RELT: variants seen among roughly 807,000 people sequenced by gnomAD.
The protein encoded by RELT is tumor necrosis factor receptor superfamily member 19L.
Under a neutral mutation model 51.1 loss-of-function variants are expected in RELT, and 37 were observed. The ratio of observed to expected loss-of-function variants is 0.72; its 90% confidence interval spans 0.56 to 0.95. The LOEUF is 0.95. Ranked by LOEUF, RELT falls within the 40% of genes least tolerant of loss-of-function variation. The probability of loss-of-function intolerance (pLI) is 0.00; values close to 1 mark genes in which losing one functional copy is unlikely to be tolerated. For synonymous variants in RELT, 241 were observed against 235.7 expected, an observed-to-expected ratio of 1.02 and a Z score of -0.21; for missense variants, 535 against 572.6, an observed-to-expected ratio of 0.93 and a Z score of 0.67.
chr11:73,386,198 C>T (rs1866120467), intron 1 of RELT, among the ~76,000 whole-genome samples: 1 of 152,150 alleles, frequency 6.6e-6, no homozygotes, highest in Admixed American at 6.5e-5. Flanking sequence ...GGAGTGGCCT[C>T]TAAGCCAAGT....
At position 73,388,269 on chromosome 11, in the gene RELT, G is replaced by A. The variant is rs895378593; in HGVS notation, c.-25-843G>A. Among the ~76,000 whole-genome samples, 6 of 152,254 alleles carry A rather than the reference G, an allele frequency of 3.9e-5. No individual in the cohort carries two copies. The highest frequency in any genetic ancestry group is 8.8e-5 in the Non-Finnish European group (6 of 68,042). ...GCAGTTGGGTCTCCCCTGGGATGGAGCTCCCTGCAGACAGGGACCTTGTCT... is the reference window on the plus strand; with the variant it reads ...GCAGTTGGGTCTCCCCTGGGATGGAACTCCCTGCAGACAGGGACCTTGTCT... On this transcript the variant is annotated intron_variant, in intron 1 of 10. Transcript: ENST00000064780. The surrounding 1 kb of genome is among the most constrained non-coding windows in gnomAD (Gnocchi z 4.1).
rs771607778 is a variant in RELT, at chr11:73,395,155, A to G, written c.1115A>G (p.Glu372Gly). Residue 372 changes from glutamate (E) to glycine (G), a missense_variant, in exon 10 of 11, where the codon GAG becomes GGG. Transcript: ENST00000064780. ...GTGTCTGAGGTGAAGACCATCACGG[A>G]GGCTGGGCCCTCGTGGGGTGATCTC... ...SMVSEVKTIT[E>G]AGPSWGDLPD... 2 of 1,613,552 alleles carry G rather than the reference A, an allele frequency of 1.2e-6. No individual in the cohort carries two copies. Among genetic ancestry groups the G allele is most frequent in the Non-Finnish European group, 1.7e-6 (2 of 1,179,984 alleles).
Position 73,394,781 on chromosome 11 carries a change from C to T in RELT, c.1046+47C>T. The T allele has an allele frequency of 6.3e-7, 1 of 1,583,908 alleles. No homozygotes were observed. The highest frequency in any genetic ancestry group is 1.1e-5 in the South Asian group (1 of 89,828). ...CAGGGGCAGGTAAAGACGTGACAGCCTGGGGGCCGGGAGGGGGAGGCAGGG... is the reference window on the plus strand; with the variant it reads ...CAGGGGCAGGTAAAGACGTGACAGCTTGGGGGCCGGGAGGGGGAGGCAGGG... On this transcript the variant is annotated intron_variant, in intron 9 of 10. Coordinates refer to ENST00000064780, the MANE Select transcript of RELT (RefSeq NM_152222.2). This position sits in a 1 kb window ranked among gnomAD's most constrained non-coding sequence, Gnocchi z 4.9.
At chr11:73,392,166 G>T (rs996273502) in intron 5 of RELT, 45 bp from the exon 6 acceptor site, 11 of 1,595,326 alleles carry the variant, frequency 6.9e-6, no homozygotes. Flanking sequence ...CTCTGTGTTT[G>T]TGTCACTCTG....
At chr11:73,391,829 G>A (rs530519402) in intron 5 of RELT, among the ~76,000 whole-genome samples, 9 of 151,936 alleles carry the variant, frequency 5.9e-5, no homozygotes, top group Non-Finnish European at 1.0e-4. Flanking sequence ...ATACCCACAC[G>A]CACCTCCTCC....
chr11:73,377,681 A>AC (rs150993049), intron 1 of RELT, among the ~76,000 whole-genome samples: 35,559 of 145,104 alleles, frequency 0.25, 4,682 homozygotes, highest in East Asian at 0.45. Flanking sequence ...TTGTTCTCAG[A>AC]CCCCCCCGCC....
intron 1 of RELT, among the ~76,000 whole-genome samples, chr11:73,378,534 G>C (rs777945780): frequency 6.6e-6 from 1 of 152,226 alleles, no homozygotes; most frequent in Non-Finnish European, 1.5e-5. Flanking sequence ...CAGGTCTTCT[G>C]ACCCCAGAGA....
At chr11:73,383,343 C>T (rs943762549) in intron 1 of RELT, among the ~76,000 whole-genome samples, 1 of 152,226 alleles carries the variant, frequency 6.6e-6, no homozygotes, top group Non-Finnish European at 1.5e-5. Flanking sequence ...CCCAGACTTC[C>T]CCGGTCTTCC....
rs1399136979 is a variant in RELT at position 73,395,833 on chromosome 11, C to T, written c.*342C>T. The T allele has an allele frequency of 2.3e-6, 1 of 426,958 alleles. No individual in the cohort carries two copies. The highest frequency in any genetic ancestry group is 2.0e-5 in the African/African-American group (1 of 50,084). 26.4% of individuals were successfully genotyped at this position (426,958 alleles called of 1,614,324 possible). A position where few individuals can be genotyped will look rare whatever the true frequency, so the allele number is the denominator to read the frequency against. ...GCTGGGCTTGGCAGAGGGGAGGGGCCTGTGCCCGTCACCCCTGGCCCCATT... is the reference window on the plus strand; with the variant it reads ...GCTGGGCTTGGCAGAGGGGAGGGGCTTGTGCCCGTCACCCCTGGCCCCATT... On this transcript the variant is annotated 3_prime_UTR_variant, in exon 11 of 11. Transcript: ENST00000064780.
chr11:73,377,797 C>T (rs1865993938), intron 1 of RELT, among the ~76,000 whole-genome samples: 1 of 151,666 alleles, frequency 6.6e-6, no homozygotes, highest in Non-Finnish European at 1.5e-5. Context: ...TTTGGGTCAA[C>T]TGCCTGTGTT....
intron 2 of RELT, 125 bp downstream of exon 2, chr11:73,389,306 C>A: frequency 1.6e-6 from 1 of 630,624 alleles, no homozygotes; most frequent in Non-Finnish European, 2.6e-6. Flanking sequence ...CTCAGCTCGT[C>A]AAGAATCTGA....
intron 1 of RELT, among the ~76,000 whole-genome samples, chr11:73,379,553 T>G (rs1866019222): frequency 6.6e-6 from 1 of 152,188 alleles, no homozygotes; most frequent in African/African-American, 2.4e-5. Context: ...TTCTGAGAAT[T>G]CAGGGACTTA....
intron 6 of RELT, 92 bp downstream of exon 6, chr11:73,392,560 C>T (rs979325470): frequency 7.3e-6 from 11 of 1,498,542 alleles, no homozygotes; most frequent in Non-Finnish European, 9.0e-6. Flanking sequence ...CCTGCCTGGC[C>T]TCTGGGGTCT....
At chr11:73,390,717 T>A in intron 3 of RELT, 38 bp from the exon 4 acceptor site, 1 of 1,608,258 alleles carries the variant, frequency 6.2e-7, no homozygotes, top group Non-Finnish European at 8.5e-7. Context: ...TCCTCAGGCT[T>A]GGCTCCTGGC....
intron 1 of RELT, among the ~76,000 whole-genome samples, chr11:73,382,259 G>A (rs1338852576): frequency 1.3e-5 from 2 of 152,224 alleles, no homozygotes; most frequent in Non-Finnish European, 2.9e-5. Context: ...AGTCTGGGGA[G>A]AGTTGGAGAA....
At chr11:73,392,071 A>G in intron 5 of RELT, 140 bp from the exon 6 acceptor site, 1 of 969,510 alleles carries the variant, frequency 1.0e-6, no homozygotes, top group South Asian at 1.6e-5. Context: ...TGACCTTTGC[A>G]TCCCCAGCAT....
In RELT at chr11:73,388,485, A is replaced by G. The variant is rs2134447411; in HGVS notation, c.-25-627A>G. The stretch of plus-strand genomic sequence containing the variant: ...AGAGGTGTGGACAGTGGCCATGCAG[A>G]AGGACCAGGACCTAGATGGGGTGGG... On this transcript the variant is annotated intron_variant, in intron 1 of 10. Coordinates refer to ENST00000064780, the MANE Select transcript of RELT (RefSeq NM_152222.2). The surrounding 1 kb of genome is among the most constrained non-coding windows in gnomAD (Gnocchi z 4.1). Among the ~76,000 whole-genome samples, 1 of 152,318 alleles carries G rather than the reference A, an allele frequency of 6.6e-6. No individual in the cohort carries two copies. Among genetic ancestry groups the G allele is most frequent in the South Asian group, 2.1e-4 (1 of 4,818 alleles).
Position 73,392,356 on chromosome 11 carries a change from C to T in RELT, c.513C>T (p.Val171=), listed in dbSNP as rs1050516268. ...ACGCGGTCATCGCCATCGTCCCTGT[C>T]TTCTGCCTCATGGGGCTGTTGGGCA... The part of the protein sequence containing the change: ...AQYAVIAIVP[V]FCLMGLLGIL... Residue 171 remains valine (V), a synonymous_variant, in exon 6 of 11, where the codon GTC becomes GTT. Transcript: ENST00000064780. 3.7e-6 allele frequency: 6 copies of T among 1,613,770 alleles called. No homozygotes were observed. Among genetic ancestry groups the T allele is most frequent in the African/African-American group, 2.7e-5 (2 of 74,936 alleles).
chr11:73,390,453 C>CT, intron 2 of RELT, 98 bp from the exon 3 acceptor site: 2 of 1,123,698 alleles, frequency 1.8e-6, no homozygotes, highest in Non-Finnish European at 2.7e-6. Context: ...TCAGTGGTCC[C>CT]TACCACTGGG....
Sources: gnomAD v4.1 joint callset for allele counts (sites outside exome capture counted in the v4.1 genomes callset) on GRCh38, gnomAD v4.1.1 for gene constraint, Gnocchi (gnomAD v3.1) non-coding constraint, MANE v1.5 for transcripts, NCBI Gene and HGNC (gene_info 2026-07-23, HGNC 2026-07-21) for gene names.